The following SGCZ variants were observed in gnomAD, a reference collection of about 807,000 sequenced individuals.
SGCZ encodes the protein zeta-sarcoglycan.
A neutral mutation model predicts 41.3 loss-of-function variants in SGCZ; 40 were observed. The ratio of observed to expected loss-of-function variants is 0.97; its 90% CI spans 0.75 to 1.26. The LOEUF (loss-of-function observed/expected upper bound fraction) is 1.26, where lower values mean the gene tolerates loss of function less well. SGCZ is among the 50% of genes most tolerant of loss of function. The probability of loss-of-function intolerance (pLI) is 0.00; values close to 1 mark genes in which losing one functional copy is unlikely to be tolerated. For missense variants in SGCZ, 552 were observed against 369.8 expected (o/e 1.49, Z -4.04); for synonymous variants, 206 against 137.5 (o/e 1.50, Z -3.49).
intron 3 of SGCZ, among the ~76,000 whole-genome samples, chr8:14,315,230 G>T (rs1018223542): frequency 1.4e-4 from 21 of 152,234 alleles, no homozygotes; most frequent in African/African-American, 4.3e-4. Flanking sequence ...TTGTCCACCT[G>T]ACAGGATTGT....
chr8:14,874,478 C>A (rs201692962), intron 1 of SGCZ, among the ~76,000 whole-genome samples: 11 of 152,104 alleles, frequency 7.2e-5, no homozygotes, highest in East Asian at 3.9e-4. Context: ...TGAAATTATT[C>A]TTTATCCACC....
intron 1 of SGCZ, among the ~76,000 whole-genome samples, chr8:15,029,518 G>T (rs546054345): frequency 6.6e-6 from 1 of 151,982 alleles, no homozygotes. Flanking sequence ...ATTTTGAAAC[G>T]ATTTCCCAGT....
chr8:14,699,843 A>C (rs1809079339), intron 1 of SGCZ, among the ~76,000 whole-genome samples: 1 of 152,060 alleles, frequency 6.6e-6, no homozygotes, highest in Non-Finnish European at 1.5e-5. Flanking sequence ...GCCAACGAAT[A>C]TATAAAAATA....
At position 14,519,703 on chromosome 8, in the gene SGCZ, A is replaced by G. The variant is rs139020950; in HGVS notation, c.234+35029T>C. 9.1e-3 allele frequency among the ~76,000 whole-genome samples: 1,385 copies of G among 152,224 alleles called. 19 individuals carry two copies. Among genetic ancestry groups the G allele is most frequent in the African/African-American group, 0.032 (1,332 of 41,542 alleles). ...AGTCTCGGCTGTTCATTTATCTGCA[A>G]TAATCTTTCTCATACTCCATTATTT... On this transcript the variant is annotated intron_variant, in intron 2 of 7. Coordinates refer to ENST00000382080, the MANE Select transcript of SGCZ (RefSeq NM_139167.4).
intron 1 of SGCZ, among the ~76,000 whole-genome samples, chr8:14,745,297 T>C (rs185306095): frequency 3.3e-5 from 5 of 152,242 alleles, no homozygotes; most frequent in East Asian, 3.9e-4. Context: ...AGGTGCCAAA[T>C]GCATGGCAGT....
At chr8:14,307,819 A>G (rs942031392) in intron 3 of SGCZ, among the ~76,000 whole-genome samples, 8 of 152,166 alleles carry the variant, frequency 5.3e-5, no homozygotes, top group African/African-American at 1.4e-4. Flanking sequence ...GGTCATAGGC[A>G]AGATGGCAAG....
chr8:14,989,958 C>T (rs920596984), intron 1 of SGCZ, among the ~76,000 whole-genome samples: 1 of 151,974 alleles, frequency 6.6e-6, no homozygotes, highest in African/African-American at 2.4e-5. Flanking sequence ...GATGGCTGGT[C>T]AAAAGTACCG....
chr8:14,411,721 G>C (rs563862817), intron 2 of SGCZ, among the ~76,000 whole-genome samples: 3 of 151,958 alleles, frequency 2.0e-5, no homozygotes, highest in Non-Finnish European at 4.4e-5. Flanking sequence ...TATAATATTA[G>C]TATTCTGTAT....
intron 2 of SGCZ, among the ~76,000 whole-genome samples, chr8:14,453,102 G>A (rs1384261658): frequency 6.6e-6 from 1 of 151,610 alleles, no homozygotes; most frequent in Non-Finnish European, 1.5e-5. Context: ...AGCAAGACTT[G>A]GTCTCAAAAA....
intron 1 of SGCZ, among the ~76,000 whole-genome samples, chr8:14,773,777 T>C (rs943632482): frequency 7.2e-5 from 11 of 152,168 alleles, no homozygotes; most frequent in African/African-American, 2.4e-4. Flanking sequence ...CAGAGACTCT[T>C]AACCAAGGAT....
chr8:14,541,935 A>C (rs1803482606), intron 2 of SGCZ, among the ~76,000 whole-genome samples: 1 of 152,124 alleles, frequency 6.6e-6, no homozygotes, highest in Non-Finnish European at 1.5e-5. Flanking sequence ...TCTTCTTTTC[A>C]AAAGTGTCTG....
intron 1 of SGCZ, among the ~76,000 whole-genome samples, chr8:14,909,273 G>A (rs748741788): frequency 2.6e-5 from 4 of 152,058 alleles, no homozygotes; most frequent in African/African-American, 7.2e-5. Context: ...TGAAGCTATC[G>A]AAAAATCCTC....
intron 2 of SGCZ, among the ~76,000 whole-genome samples, chr8:14,440,863 ACACACACACG>A (rs956322302): frequency 1.6e-4 from 25 of 151,968 alleles, no homozygotes; most frequent in African/African-American, 5.8e-4. Context: ...ACACACACAC[ACACACACACG>A]CACACACATA....
intron 2 of SGCZ, among the ~76,000 whole-genome samples, chr8:14,433,242 G>T (rs1013035018): frequency 3.9e-5 from 6 of 152,130 alleles, no homozygotes; most frequent in African/African-American, 1.4e-4. Flanking sequence ...AAGTTTGCCT[G>T]CAATCTGAAT....
intron 1 of SGCZ, among the ~76,000 whole-genome samples, chr8:14,851,131 A>G (rs1381624306): frequency 6.6e-6 from 1 of 152,140 alleles, no homozygotes; most frequent in Non-Finnish European, 1.5e-5. Context: ...GCACTTTGGG[A>G]GGCCAAGGCG....
chr8:14,232,343 G>C (rs1806601486), intron 4 of SGCZ, among the ~76,000 whole-genome samples: 1 of 151,882 alleles, frequency 6.6e-6, no homozygotes, highest in African/African-American at 2.4e-5. Context: ...TGCTACAAAA[G>C]CTGTTTACAA....
chr8:14,555,569 G>C (rs896126105), intron 1 of SGCZ, among the ~76,000 whole-genome samples: 1 of 151,940 alleles, frequency 6.6e-6, no homozygotes, highest in Non-Finnish European at 1.5e-5. Flanking sequence ...GTAGAACTAG[G>C]AGCCAATTAA....
chr8:14,904,550 G>A (rs1585365625), intron 1 of SGCZ, among the ~76,000 whole-genome samples: 1 of 151,896 alleles, frequency 6.6e-6, no homozygotes, highest in East Asian at 1.9e-4. Flanking sequence ...AATTTCTGAA[G>A]GAAATTTTAA....
At chr8:14,560,214 T>C (rs556273592) in intron 1 of SGCZ, among the ~76,000 whole-genome samples, 12 of 152,068 alleles carry the variant, frequency 7.9e-5, no homozygotes, top group African/African-American at 2.7e-4. Context: ...AGACTTGTAA[T>C]GTTCCCAACA....
Sources: gnomAD v4.1 joint callset for allele counts (sites outside exome capture counted in the v4.1 genomes callset) on GRCh38, gnomAD v4.1.1 for gene constraint, MANE v1.5 for transcripts, NCBI Gene and HGNC (gene_info 2026-07-23, HGNC 2026-07-21) for gene names.